BORCS5: variants seen among roughly 807,000 people sequenced by gnomAD.
The protein encoded by BORCS5 is BLOC-1 related complex subunit 5.
Under a neutral mutation model 22.1 loss-of-function variants are expected in BORCS5, and 17 were observed. That is an observed-to-expected ratio of 0.77 (90% CI 0.53 to 1.15). BORCS5 has a LOEUF of 1.15. Among genes scored for constraint, BORCS5 ranks in the 50% most tolerant of loss-of-function variants. BORCS5 has a pLI of 0.00. For synonymous variants in BORCS5, 117 were observed against 99.8 expected, an observed-to-expected ratio of 1.17 and a Z score of -1.03; for missense variants, 247 against 253.2, an observed-to-expected ratio of 0.98 and a Z score of 0.17.
chr12:12,416,114 C>G (rs150425063), intron 2 of BORCS5, among the ~76,000 whole-genome samples: 67 of 152,284 alleles, frequency 4.4e-4, no homozygotes, highest in African/African-American at 1.6e-3. Flanking sequence ...TATTGCTGTA[C>G]AATTACTCAT....
Position 12,469,741 on chromosome 12 carries a change from T to C in BORCS5, c.*3965T>C, listed in dbSNP as rs1004585456. The stretch of plus-strand genomic sequence containing the variant: ...TTTATACTTCAGCCAAACCCAGATA[T>C]ATAGTGCTCAGCAGAAATTATTCAA... On this transcript the variant is annotated 3_prime_UTR_variant, in exon 4 of 4. Coordinates refer to ENST00000314565, the MANE Select transcript of BORCS5 (RefSeq NM_058169.6). 2 of 152,212 alleles carry C rather than the reference T, an allele frequency of 1.3e-5. No individual in the cohort carries two copies. Among genetic ancestry groups the C allele is most frequent in the South Asian group, 4.1e-4 (2 of 4,836 alleles). 9.4% of individuals were successfully genotyped at this position (152,212 alleles called of 1,614,324 possible).
chr12:12,431,659 C>G (rs528882872), intron 2 of BORCS5, among the ~76,000 whole-genome samples: 1 of 152,104 alleles, frequency 6.6e-6, no homozygotes, highest in Admixed American at 6.5e-5. Flanking sequence ...CTCGGCTTCC[C>G]AAAGTGCTGG....
At chr12:12,426,473 T>C (rs2136112194) in intron 2 of BORCS5, among the ~76,000 whole-genome samples, 1 of 152,346 alleles carries the variant, frequency 6.6e-6, no homozygotes, top group Middle Eastern at 3.4e-3. Flanking sequence ...TGATGACCTT[T>C]GGAAATACTG....
chr12:12,406,940 G>A (rs1941609267), intron 2 of BORCS5, among the ~76,000 whole-genome samples: 1 of 152,154 alleles, frequency 6.6e-6, no homozygotes, highest in African/African-American at 2.4e-5. Flanking sequence ...TCAACAAGTG[G>A]AGAGCACCTA....
intron 2 of BORCS5, among the ~76,000 whole-genome samples, chr12:12,365,213 G>A (rs1293124334): frequency 6.6e-6 from 1 of 152,062 alleles, no homozygotes; most frequent in Admixed American, 6.6e-5. Context: ...CGGGGATTTG[G>A]TTAAGGAAGG....
chr12:12,419,617 C>T (rs1942062108), intron 2 of BORCS5, among the ~76,000 whole-genome samples: 1 of 152,178 alleles, frequency 6.6e-6, no homozygotes, highest in Non-Finnish European at 1.5e-5. Context: ...GAGGAATTGC[C>T]ACATTGTCTT....
intron 2 of BORCS5, among the ~76,000 whole-genome samples, chr12:12,374,996 A>G (rs1863617037): frequency 6.6e-6 from 1 of 151,392 alleles, no homozygotes; most frequent in East Asian, 1.9e-4. Context: ...TATTTGGAAT[A>G]TACTGCTTTT....
At chr12:12,411,809 A>G (rs186567442) in intron 2 of BORCS5, among the ~76,000 whole-genome samples, 172 of 152,318 alleles carry the variant, frequency 1.1e-3, no homozygotes, top group Admixed American at 1.8e-3. Context: ...ACTTTTGTAT[A>G]TGGTAGTAGG....
intron 2 of BORCS5, among the ~76,000 whole-genome samples, chr12:12,378,838 G>A (rs568313989): frequency 6.6e-6 from 1 of 151,002 alleles, no homozygotes; most frequent in Admixed American, 6.6e-5. Flanking sequence ...CTGCAGCCTC[G>A]ACCTCCCAGG....
At chr12:12,367,666 CG>C (rs200685903) in intron 2 of BORCS5, among the ~76,000 whole-genome samples, 2,933 of 152,258 alleles carry the variant, frequency 0.019, 115 homozygotes, top group East Asian at 0.16. Context: ...TGCTTTCAAC[CG>C]ATTGAGAAAG....
At chr12:12,412,060 C>T (rs1941748849) in intron 2 of BORCS5, among the ~76,000 whole-genome samples, 1 of 152,118 alleles carries the variant, frequency 6.6e-6, no homozygotes, top group African/African-American at 2.4e-5. Context: ...AGAGTGAGTC[C>T]TCCAGCTTTG....
At chr12:12,396,140 AC>A (rs1167692621) in intron 2 of BORCS5, among the ~76,000 whole-genome samples, 2 of 151,984 alleles carry the variant, frequency 1.3e-5, no homozygotes, top group East Asian at 3.9e-4. Flanking sequence ...GGCCCACATT[AC>A]CACGCCCAGC....
intron 2 of BORCS5, among the ~76,000 whole-genome samples, chr12:12,414,082 G>A (rs1235501439): frequency 1.2e-5 from 1 of 85,100 alleles, no homozygotes; most frequent in Non-Finnish European, 2.4e-5. Flanking sequence ...CATCCCTCCC[G>A]GACGGGGCGG....
intron 2 of BORCS5, among the ~76,000 whole-genome samples, chr12:12,407,390 A>AT (rs11447916): frequency 0.14 from 20,255 of 147,226 alleles, 1,445 homozygotes; most frequent in East Asian, 0.23. Flanking sequence ...TGTTGGTCAC[A>AT]TTTTTTTTTT....
intron 3 of BORCS5, among the ~76,000 whole-genome samples, chr12:12,464,683 A>G (rs973513977): frequency 1.3e-5 from 2 of 152,106 alleles, no homozygotes; most frequent in Non-Finnish European, 2.9e-5. Context: ...CTCTCTCTCT[A>G]TTTTTATCTG....
chr12:12,424,918 T>C (rs1174548173), intron 2 of BORCS5, among the ~76,000 whole-genome samples: 1 of 151,742 alleles, frequency 6.6e-6, no homozygotes, highest in African/African-American at 2.4e-5. Flanking sequence ...TGAAGGAGGG[T>C]GAAAAAAATG....
chr12:12,389,534 T>C (rs1347126164), intron 2 of BORCS5, among the ~76,000 whole-genome samples: 1 of 142,422 alleles, frequency 7.0e-6, no homozygotes, highest in Non-Finnish European at 1.6e-5. Context: ...GTGATTCCTC[T>C]GCAGAATTGG....
At chr12:12,381,821 A>G (rs575923150) in intron 2 of BORCS5, among the ~76,000 whole-genome samples, 1 of 151,508 alleles carries the variant, frequency 6.6e-6, no homozygotes, top group African/African-American at 2.4e-5. Context: ...TGAGTTTTGT[A>G]TATTCTTACT....
intron 2 of BORCS5, among the ~76,000 whole-genome samples, chr12:12,411,727 AC>A (rs1351951306): frequency 6.6e-6 from 1 of 152,168 alleles, no homozygotes; most frequent in Non-Finnish European, 1.5e-5. Context: ...ACTATAGGAA[AC>A]TATAGTAAAA....
Sources: gnomAD v4.1 joint callset for allele counts (sites outside exome capture counted in the v4.1 genomes callset) on GRCh38, gnomAD v4.1.1 for gene constraint, MANE v1.5 for transcripts, NCBI Gene and HGNC (gene_info 2026-07-23, HGNC 2026-07-21) for gene names.